ADAMTSL1: variants seen among roughly 807,000 people sequenced by gnomAD.
ADAMTSL1 encodes the protein ADAMTS-like protein 1.
In ADAMTSL1, 126 loss-of-function variants were observed where a neutral mutation model predicts 201.8. The ratio of observed to expected loss-of-function variants is 0.62; its 90% CI spans 0.54 to 0.72. The LOEUF is 0.72. Ranked by LOEUF, ADAMTSL1 falls within the 30% of genes least tolerant of loss-of-function variation. ADAMTSL1 has a pLI of 0.00. For missense variants in ADAMTSL1, 2,679 were observed against 2,277.8 expected, an observed-to-expected ratio of 1.18 and a Z score of -3.59; for synonymous variants, 1,121 against 903.4, an observed-to-expected ratio of 1.24 and a Z score of -4.32.
chr9:18,596,649 G>T (rs769728162), intron 4 of ADAMTSL1, among the ~76,000 whole-genome samples: 1 of 152,166 alleles, frequency 6.6e-6, no homozygotes, highest in Non-Finnish European at 1.5e-5. Context: ...GAACCTATGT[G>T]AGGTGATATT....
chr9:17,946,643 T>C (rs964826788), intron 1 of ADAMTSL1, among the ~76,000 whole-genome samples: 2 of 152,152 alleles, frequency 1.3e-5, no homozygotes, highest in Admixed American at 1.3e-4. Context: ...AAAAGATTTT[T>C]CCCACCAGTA....
At chr9:18,433,912 G>A (rs1819607370) in intron 2 of ADAMTSL1, among the ~76,000 whole-genome samples, 1 of 152,180 alleles carries the variant, frequency 6.6e-6, no homozygotes, top group African/African-American at 2.4e-5. Flanking sequence ...ATGCTTTGCT[G>A]TTTAGGGGAA....
intron 1 of ADAMTSL1, among the ~76,000 whole-genome samples, chr9:18,483,484 G>A (rs1210784380): frequency 2.0e-5 from 3 of 152,074 alleles, no homozygotes; most frequent in African/African-American, 4.8e-5. Context: ...TGTCACATGC[G>A]GAAGAAACCA....
At chr9:18,163,410 C>G (rs1827489199) in intron 1 of ADAMTSL1, among the ~76,000 whole-genome samples, 1 of 152,034 alleles carries the variant, frequency 6.6e-6, no homozygotes, top group South Asian at 2.1e-4. Context: ...GAAGTCAGTT[C>G]TGGGCTCAGG....
intron 2 of ADAMTSL1, among the ~76,000 whole-genome samples, chr9:18,288,361 CTGTTTGCT>C (rs1312507783): frequency 1.3e-5 from 2 of 152,122 alleles, no homozygotes; most frequent in Non-Finnish European, 2.9e-5. Flanking sequence ...ACATATTTTT[CTGTTTGCT>C]TGTTTGCTTA....
At chr9:18,323,330 A>G (rs550844401) in intron 2 of ADAMTSL1, among the ~76,000 whole-genome samples, 10 of 152,352 alleles carry the variant, frequency 6.6e-5, no homozygotes, top group African/African-American at 2.4e-4. Flanking sequence ...TTGACAAAGT[A>G]CAACACCCAT....
intron 23 of ADAMTSL1, among the ~76,000 whole-genome samples, chr9:18,863,095 C>T (rs905832711): frequency 1.1e-4 from 17 of 152,134 alleles, no homozygotes; most frequent in African/African-American, 2.9e-4. Context: ...CTGTTTAACA[C>T]GGCCAAACTC....
At position 18,252,214 on chromosome 9, in the gene ADAMTSL1, AT is replaced by A. The variant is rs1446085250; in HGVS notation, c.207+88239del. 1.1e-4 allele frequency among the ~76,000 whole-genome samples: 16 copies of A among 152,250 alleles called. No individual in the cohort carries two copies. The East Asian group carries it at 1.9e-3, about 18-fold the overall frequency. Reference sequence around the variant, plus strand: ...CCTAATATTAAGAGTTTCTATAATTATTTTTTAAAGACATATAACTCAGTAG... The same window carrying A: ...CCTAATATTAAGAGTTTCTATAATTATTTTTAAAGACATATAACTCAGTAG... On this transcript the variant is annotated intron_variant, in intron 2 of 29. Transcript: ENST00000680146.
At chr9:17,993,186 T>C (rs753591134) in intron 1 of ADAMTSL1, among the ~76,000 whole-genome samples, 4 of 152,134 alleles carry the variant, frequency 2.6e-5, no homozygotes, top group Non-Finnish European at 5.9e-5. Context: ...GGTTATCTCG[T>C]TGGGTGGAGT....
chr9:17,978,539 T>G (rs1376890839), intron 1 of ADAMTSL1, among the ~76,000 whole-genome samples: 1 of 152,150 alleles, frequency 6.6e-6, no homozygotes. Context: ...TGCTAATAAC[T>G]TAACTTTGAT....
At chr9:17,971,554 T>C (rs1818206373) in intron 1 of ADAMTSL1, among the ~76,000 whole-genome samples, 1 of 152,002 alleles carries the variant, frequency 6.6e-6, no homozygotes, top group Non-Finnish European at 1.5e-5. Context: ...ATTCACAAAA[T>C]ACCTGTACTA....
intron 7 of ADAMTSL1, among the ~76,000 whole-genome samples, chr9:18,642,740 A>G (rs1004973102): frequency 6.6e-6 from 1 of 152,012 alleles, no homozygotes; most frequent in Admixed American, 6.6e-5. Flanking sequence ...AGGTTCATCC[A>G]CATTGTCACA....
intron 2 of ADAMTSL1, among the ~76,000 whole-genome samples, chr9:18,281,379 T>G (rs1240133059): frequency 1.3e-5 from 2 of 151,918 alleles, no homozygotes; most frequent in Non-Finnish European, 2.9e-5. Flanking sequence ...CACCAGACTA[T>G]GGAGAATTCA....
At chr9:18,545,726 G>T (rs905234415) in intron 3 of ADAMTSL1, among the ~76,000 whole-genome samples, 2 of 152,130 alleles carry the variant, frequency 1.3e-5, no homozygotes, top group African/African-American at 4.8e-5. Context: ...TAAAAAGGAT[G>T]CTGGCCTCTA....
At chr9:18,440,399 C>T (rs1819944456) in intron 2 of ADAMTSL1, among the ~76,000 whole-genome samples, 1 of 151,580 alleles carries the variant, frequency 6.6e-6, no homozygotes, top group Admixed American at 6.6e-5. Flanking sequence ...ATATAGGACT[C>T]TATCTTAAAA....
chr9:18,430,351 C>G (rs183988766), intron 2 of ADAMTSL1, among the ~76,000 whole-genome samples: 92 of 152,286 alleles, frequency 6.0e-4, no homozygotes, highest in African/African-American at 2.1e-3. Flanking sequence ...CGCCTGAGTT[C>G]TCCTTCTGAT....
At chr9:18,127,288 G>A (rs901990809) in intron 1 of ADAMTSL1, among the ~76,000 whole-genome samples, 2 of 152,092 alleles carry the variant, frequency 1.3e-5, no homozygotes, top group African/African-American at 2.4e-5. Context: ...TAACTACCTA[G>A]ACCACCTGAT....
chr9:18,717,532 C>A (rs747896655), intron 14 of ADAMTSL1, among the ~76,000 whole-genome samples: 1 of 152,066 alleles, frequency 6.6e-6, no homozygotes. Context: ...ATCAAAGAAG[C>A]AAAGTCATCT....
intron 2 of ADAMTSL1, among the ~76,000 whole-genome samples, chr9:18,180,316 G>A (rs1053036817): frequency 6.6e-5 from 10 of 152,022 alleles, no homozygotes; most frequent in Admixed American, 5.9e-4. Flanking sequence ...GGCGGATCAC[G>A]AGGTCAGGAG....
Sources: gnomAD v4.1 joint callset for allele counts (sites outside exome capture counted in the v4.1 genomes callset) on GRCh38, gnomAD v4.1.1 for gene constraint, MANE v1.5 for transcripts, NCBI Gene and HGNC (gene_info 2026-07-23, HGNC 2026-07-21) for gene names.